MSRB2: variants seen among roughly 807,000 people sequenced by gnomAD.
The protein encoded by MSRB2 is methionine sulfoxide reductase B2.
In MSRB2, 17 loss-of-function variants were observed where a neutral mutation model predicts 19.0. The ratio of observed to expected loss-of-function variants is 0.89; its 90% CI spans 0.61 to 1.34. The LOEUF (loss-of-function observed/expected upper bound fraction) is 1.34. Among genes scored for constraint, MSRB2 ranks in the 40% most tolerant of loss-of-function variants. The pLI is 0.00. For missense variants in MSRB2, 208 were observed against 237.6 expected, an observed-to-expected ratio of 0.88 and a Z score of 0.82; for synonymous variants, 107 against 99.7, an observed-to-expected ratio of 1.07 and a Z score of -0.44.
rs953812745 is a variant in MSRB2 at position 23,106,553 on chromosome 10, C to A, written c.219+2309C>A. On this transcript the variant is annotated intron_variant, in intron 2 of 4. Coordinates refer to ENST00000376510, the MANE Select transcript of MSRB2 (RefSeq NM_012228.4). The stretch of plus-strand genomic sequence containing the variant: ...GCTCCCTTTCCCCCAGCTATTGATT[C>A]AGTTTAGCCAGTGGGAGACAACAGT... 2.6e-5 allele frequency among the ~76,000 whole-genome samples: 4 copies of A among 152,204 alleles called. 1 individual carries two copies. Among genetic ancestry groups the A allele is most frequent in the Admixed American group, 2.6e-4 (4 of 15,282 alleles).
chr10:23,108,536 C>A (rs535483091), intron 2 of MSRB2, among the ~76,000 whole-genome samples: 26 of 146,768 alleles, frequency 1.8e-4, no homozygotes, highest in Middle Eastern at 3.8e-3. Flanking sequence ...AGTGCAGTGG[C>A]ACAATCTCGG....
chr10:23,118,337 G>GTTTTTTTTTTTTTTT (rs35011086), intron 3 of MSRB2, among the ~76,000 whole-genome samples: 1 of 92,156 alleles, frequency 1.1e-5, no homozygotes, highest in Non-Finnish European at 2.0e-5. Context: ...TTAGTTTTTT[G>GTTTTTTTTTTTTTTT]TTTTTTTTTT....
rs764571708 is a variant in MSRB2, at chr10:23,110,288, A to G, written c.266A>G (p.His89Arg). The G allele has an allele frequency of 6.2e-7, 1 of 1,613,942 alleles. No homozygotes were observed. The highest frequency in any genetic ancestry group is 1.7e-5 in the Admixed American group (1 of 60,008). ...YLNNKEAGMY[H>R]CVCCDSPLFS... ...AATAACAAGGAAGCAGGAATGTATC[A>G]TTGCGTGTGCTGCGACAGTCCACTC... The change falls in exon 3 of 5, where the codon CAT becomes CGT. Residue 89 changes from histidine to arginine, a missense_variant. Coordinates refer to ENST00000376510, the MANE Select transcript of MSRB2 (RefSeq NM_012228.4).
chr10:23,108,917 G>A (rs910468749), intron 2 of MSRB2, among the ~76,000 whole-genome samples: 4 of 152,224 alleles, frequency 2.6e-5, no homozygotes, highest in Admixed American at 2.6e-4. Flanking sequence ...ACATCCAAGT[G>A]TACCCAGATG....
At chr10:23,119,695 C>CCGAG (rs1208597454) in intron 4 of MSRB2, among the ~76,000 whole-genome samples, 5 of 152,188 alleles carry the variant, frequency 3.3e-5, no homozygotes, top group Admixed American at 2.6e-4. Context: ...CCTCCACCTC[C>CCGAG]TGAGTTCAAG....
At chr10:23,103,360 G>C (rs1394508229) in intron 1 of MSRB2, among the ~76,000 whole-genome samples, 1 of 152,210 alleles carries the variant, frequency 6.6e-6, no homozygotes, top group African/African-American at 2.4e-5. Context: ...GCAAACTGAA[G>C]AGTTGGACAC....
chr10:23,102,399 T>G (rs1211157974), intron 1 of MSRB2, among the ~76,000 whole-genome samples: 3 of 151,368 alleles, frequency 2.0e-5, no homozygotes, highest in Admixed American at 6.6e-5. Context: ...ATAGCTCTTG[T>G]TTTTTTTTCT....
At chr10:23,117,222 T>C (rs527507356) in intron 3 of MSRB2, among the ~76,000 whole-genome samples, 6 of 152,322 alleles carry the variant, frequency 3.9e-5, no homozygotes, top group Admixed American at 3.9e-4. Flanking sequence ...CTTTCAGAAG[T>C]CAAAGCCCTT....
rs373693045 is a variant in MSRB2 at position 23,117,683 on chromosome 10, T to G, written c.297-1621T>G. Among the ~76,000 whole-genome samples the G allele has an allele frequency of 1.8e-4, 27 of 152,292 alleles. No individual in the cohort carries two copies. In the East Asian group the frequency reaches 2.5e-3, roughly 14 times the overall value. On this transcript the variant is annotated intron_variant, in intron 3 of 4. Transcript: ENST00000376510. Reference sequence around the variant, plus strand: ...TCCACTCACTGCAACCACTGCTTCCTGGGGTCAAGTTATTCTCCTGCCTCA... The same window carrying G: ...TCCACTCACTGCAACCACTGCTTCCGGGGGTCAAGTTATTCTCCTGCCTCA...
chr10:23,111,600 C>G (rs1259493471), intron 3 of MSRB2, among the ~76,000 whole-genome samples: 2 of 152,172 alleles, frequency 1.3e-5, no homozygotes, highest in Non-Finnish European at 1.5e-5. Flanking sequence ...TTTCACCTTG[C>G]AGGCTTAGTT....
At chr10:23,119,622 T>C (rs1024394623) in intron 4 of MSRB2, among the ~76,000 whole-genome samples, 171 bp downstream of exon 4, 2 of 152,136 alleles carry the variant, frequency 1.3e-5, no homozygotes, top group African/African-American at 4.8e-5. Flanking sequence ...TTGTTTTGTT[T>C]TGAGACAGTC....
At chr10:23,105,072 G>A (rs766368943) in intron 2 of MSRB2, among the ~76,000 whole-genome samples, 4 of 152,140 alleles carry the variant, frequency 2.6e-5, no homozygotes, top group Non-Finnish European at 5.9e-5. Context: ...AATGACTGCC[G>A]GGTAAGAGGT....
intron 3 of MSRB2, among the ~76,000 whole-genome samples, chr10:23,117,753 G>T (rs1840127996): frequency 6.6e-6 from 1 of 152,140 alleles, no homozygotes; most frequent in Non-Finnish European, 1.5e-5. Flanking sequence ...ACCATGCCCA[G>T]CTAGTTTTTC....
chr10:23,110,291 G>A lies in MSRB2; in HGVS notation c.269G>A (p.Cys90Tyr), dbSNP rs1164644706. ...LNNKEAGMYH[C>Y]VCCDSPLFSS... ...AACAAGGAAGCAGGAATGTATCATT[G>A]CGTGTGCTGCGACAGTCCACTCTTC... The change falls in exon 3 of 5, where the codon TGC becomes TAC. Residue 90 changes from cysteine (C) to tyrosine (Y), a missense_variant. Cys to Tyr is a radical substitution (Grantham distance 194). Transcript: ENST00000376510. 1.2e-6 allele frequency: 2 copies of A among 1,613,972 alleles called. No individual in the cohort carries two copies. Among genetic ancestry groups the A allele is most frequent in the Non-Finnish European group, 1.7e-6 (2 of 1,179,934 alleles).
chr10:23,106,439 A>G (rs1418188601), intron 2 of MSRB2, among the ~76,000 whole-genome samples: 1 of 152,228 alleles, frequency 6.6e-6, no homozygotes, highest in African/African-American at 2.4e-5. Flanking sequence ...TATCAATAGA[A>G]GGGAGGTTTT....
At chr10:23,097,351 C>T (rs964642121) in intron 1 of MSRB2, among the ~76,000 whole-genome samples, 1 of 152,178 alleles carries the variant, frequency 6.6e-6, no homozygotes, top group African/African-American at 2.4e-5. Context: ...GTGGCTTCAA[C>T]AACATTTTCT....
chr10:23,117,484 ATGTT>A (rs887139997), intron 3 of MSRB2, among the ~76,000 whole-genome samples: 5 of 152,210 alleles, frequency 3.3e-5, no homozygotes, highest in African/African-American at 9.7e-5. Context: ...TTCTCATGAA[ATGTT>A]TGTTTCATTT....
At chr10:23,105,212 CTG>C (rs36039793) in intron 2 of MSRB2, among the ~76,000 whole-genome samples, 12,277 of 146,640 alleles carry the variant, frequency 0.084, 976 homozygotes, top group African/African-American at 0.21. Flanking sequence ...CTCTGTGTGT[CTG>C]TGTGTGTGTG....
At chr10:23,117,078 A>G (rs543452522) in intron 3 of MSRB2, among the ~76,000 whole-genome samples, 1 of 152,286 alleles carries the variant, frequency 6.6e-6, no homozygotes, top group African/African-American at 2.4e-5. Flanking sequence ...GGCTCTATTC[A>G]GTCAGTGGGT....
Sources: gnomAD v4.1 joint callset for allele counts (sites outside exome capture counted in the v4.1 genomes callset) on GRCh38, gnomAD v4.1.1 for gene constraint, MANE v1.5 for transcripts, NCBI Gene and HGNC (gene_info 2026-07-23, HGNC 2026-07-21) for gene names.